The following SNTG2 variants were observed in gnomAD, a reference collection of about 807,000 sequenced individuals.
The protein encoded by SNTG2 is syntrophin gamma 2, also known as gamma-2-syntrophin.
Under a neutral mutation model 70.9 loss-of-function variants are expected in SNTG2, and 74 were observed. The observed-to-expected ratio is 1.04, with a 90% CI of 0.86 to 1.27. SNTG2 has a LOEUF of 1.27. Among genes scored for constraint, SNTG2 ranks in the 50% most tolerant of loss-of-function variants. The probability of loss-of-function intolerance (pLI) is 0.00; values close to 1 mark genes in which losing one functional copy is unlikely to be tolerated. For missense variants in SNTG2, 717 were observed against 690.7 expected, an observed-to-expected ratio of 1.04 and a Z score of -0.43; for synonymous variants, 278 against 273.8, an observed-to-expected ratio of 1.02 and a Z score of -0.15.
At chr2:965,355 CT>C (rs1660514453) in intron 1 of SNTG2, among the ~76,000 whole-genome samples, 1 of 97,518 alleles carries the variant, frequency 1.0e-5, no homozygotes, top group African/African-American at 5.4e-5. Flanking sequence ...CCCAGTCCTC[CT>C]CCTGGTCCCC....
chr2:1,366,677 C>T (rs1193209768), intron 16 of SNTG2, among the ~76,000 whole-genome samples: 3 of 152,226 alleles, frequency 2.0e-5, no homozygotes, highest in Admixed American at 6.5e-5. Context: ...TCCCGCCGTG[C>T]TGTGCACACT....
chr2:1,260,373 T>C (rs897524997), intron 13 of SNTG2, among the ~76,000 whole-genome samples: 3 of 152,212 alleles, frequency 2.0e-5, no homozygotes, highest in African/African-American at 7.2e-5. Context: ...GATAAATACA[T>C]TTATTTCCCA....
chr2:994,722 T>G (rs751662420), intron 1 of SNTG2, among the ~76,000 whole-genome samples: 2 of 151,976 alleles, frequency 1.3e-5, no homozygotes, highest in Non-Finnish European at 2.9e-5. Context: ...TTCTTCCATT[T>G]ATTTAGTTAT....
chr2:1,203,697 T>G (rs533397423), intron 8 of SNTG2, among the ~76,000 whole-genome samples: 17 of 150,288 alleles, frequency 1.1e-4, no homozygotes, highest in African/African-American at 4.2e-4. Context: ...TATATGTGTG[T>G]GTGTGTGTGT....
At chr2:995,771 A>G (rs1661658562) in intron 1 of SNTG2, among the ~76,000 whole-genome samples, 1 of 152,140 alleles carries the variant, frequency 6.6e-6, no homozygotes, top group South Asian at 2.1e-4. Context: ...TTTAAGTTAT[A>G]TAATTTTCCC....
intron 1 of SNTG2, among the ~76,000 whole-genome samples, chr2:1,026,530 G>A (rs1306552648): frequency 6.6e-6 from 1 of 152,182 alleles, no homozygotes; most frequent in African/African-American, 2.4e-5. Context: ...AAAAAAGTGA[G>A]GGAGATATCA....
At chr2:1,231,501 T>G (rs1389751653) in intron 9 of SNTG2, among the ~76,000 whole-genome samples, 1 of 152,196 alleles carries the variant, frequency 6.6e-6, no homozygotes, top group East Asian at 1.9e-4. Flanking sequence ...AGTGTGGGTA[T>G]GAAAGGAAGC....
chr2:1,074,695 T>G (rs1476772731), intron 1 of SNTG2, among the ~76,000 whole-genome samples: 1 of 152,204 alleles, frequency 6.6e-6, no homozygotes, highest in East Asian at 1.9e-4. Flanking sequence ...ACCTTATAAC[T>G]TTTTCTGGAA....
At chr2:1,144,144 C>G (rs1208712489) in intron 6 of SNTG2, among the ~76,000 whole-genome samples, 1 of 152,046 alleles carries the variant, frequency 6.6e-6, no homozygotes, top group Non-Finnish European at 1.5e-5. Context: ...TAATGAGTTT[C>G]TTTCAGCAAA....
At chr2:1,184,525 T>A (rs1250204916) in intron 8 of SNTG2, among the ~76,000 whole-genome samples, 1 of 152,162 alleles carries the variant, frequency 6.6e-6, no homozygotes, top group African/African-American at 2.4e-5. Flanking sequence ...CCATAGGCTG[T>A]ACAGGAAGCA....
chr2:1,014,105 T>A (rs866294910), intron 1 of SNTG2, among the ~76,000 whole-genome samples: 1 of 10,172 alleles, frequency 9.8e-5, no homozygotes, highest in Non-Finnish European at 2.0e-4. Context: ...GGGATTTATA[T>A]GGGCAGAGAG....
chr2:1,348,358 CTCT>C (rs1434437552), intron 16 of SNTG2, among the ~76,000 whole-genome samples: 4 of 152,340 alleles, frequency 2.6e-5, no homozygotes, highest in African/African-American at 7.2e-5. Context: ...CATGATGCCT[CTCT>C]GGCATTAACA....
chr2:1,181,712 G>A (rs1260692687), intron 8 of SNTG2, among the ~76,000 whole-genome samples: 1 of 150,410 alleles, frequency 6.6e-6, no homozygotes. Flanking sequence ...ACTAACTACT[G>A]CTTTCCTAGA....
intron 1 of SNTG2, among the ~76,000 whole-genome samples, chr2:1,009,406 G>A (rs1659660240): frequency 4.2e-5 from 1 of 23,824 alleles, no homozygotes; most frequent in Non-Finnish European, 7.9e-5. Flanking sequence ...AGCCACACCT[G>A]TGTCCCCAGG....
intron 8 of SNTG2, among the ~76,000 whole-genome samples, chr2:1,187,798 T>C (rs1236686399): frequency 6.6e-6 from 1 of 152,328 alleles, no homozygotes; most frequent in East Asian, 1.9e-4. Flanking sequence ...AATAGTGCAG[T>C]ATTATTTTCA....
In SNTG2 at chr2:999,657, A is replaced by G. The variant is rs182084526; in HGVS notation, c.72+48589A>G. Among the ~76,000 whole-genome samples, 231 of 152,128 alleles carry G rather than the reference A, an allele frequency of 1.5e-3. 1 individual carries two copies. Among genetic ancestry groups the G allele is most frequent in the African/African-American group, 5.4e-3 (225 of 41,566 alleles). On this transcript the variant is annotated intron_variant, in intron 1 of 16. Coordinates refer to ENST00000308624, the MANE Select transcript of SNTG2 (RefSeq NM_018968.4). ...GATTCATAAAACAAATAGTAGTAGAACTAAGAAAATAGCAATACAATAATA... is the reference window on the plus strand; with the variant it reads ...GATTCATAAAACAAATAGTAGTAGAGCTAAGAAAATAGCAATACAATAATA...
At chr2:1,000,849 T>C (rs1214094153) in intron 1 of SNTG2, among the ~76,000 whole-genome samples, 1 of 151,858 alleles carries the variant, frequency 6.6e-6, no homozygotes, top group Non-Finnish European at 1.5e-5. Context: ...TAGATGAACA[T>C]AGATGCAAAA....
chr2:1,187,696 A>C (rs1272016078), intron 8 of SNTG2, among the ~76,000 whole-genome samples: 1 of 152,204 alleles, frequency 6.6e-6, no homozygotes, highest in African/African-American at 2.4e-5. Flanking sequence ...AGCAACAGGC[A>C]ATCTTAAAAT....
chr2:1,362,132 A>T, intron 16 of SNTG2, among the ~76,000 whole-genome samples: 1 of 152,056 alleles, frequency 6.6e-6, no homozygotes, highest in Admixed American at 6.5e-5. Flanking sequence ...TTTCAGTAGA[A>T]CTTCCACGAA....
Sources: gnomAD v4.1 joint callset for allele counts (sites outside exome capture counted in the v4.1 genomes callset) on GRCh38, gnomAD v4.1.1 for gene constraint, MANE v1.5 for transcripts, NCBI Gene and HGNC (gene_info 2026-07-23, HGNC 2026-07-21) for gene names.